STX8: variants seen among roughly 807,000 people sequenced by gnomAD.
The protein encoded by STX8 is syntaxin 8.
Under a neutral mutation model 37.5 loss-of-function variants are expected in STX8, and 23 were observed. That is an observed-to-expected ratio of 0.61 (90% CI 0.44 to 0.87). The LOEUF is 0.87. STX8 is among the 40% of genes least tolerant of loss of function. The pLI is 0.00. For synonymous variants in STX8, 115 were observed against 99.1 expected, an observed-to-expected ratio of 1.16 and a Z score of -0.95; for missense variants, 313 against 284.7, an observed-to-expected ratio of 1.10 and a Z score of -0.71.
At chr17:9,566,274 G>C (rs902479074) in intron 2 of STX8, among the ~76,000 whole-genome samples, 5 of 152,220 alleles carry the variant, frequency 3.3e-5, no homozygotes, top group Non-Finnish European at 7.3e-5. Context: ...ACACCACTCA[G>C]CATGGTTATT....
chr17:9,474,434 G>A (rs757482335), intron 6 of STX8, among the ~76,000 whole-genome samples: 26 of 152,116 alleles, frequency 1.7e-4, no homozygotes, highest in Non-Finnish European at 3.7e-4. Flanking sequence ...GTGCAATGGC[G>A]CAATCTTGGC....
At chr17:9,288,362 C>T (rs1908169415) in intron 7 of STX8, among the ~76,000 whole-genome samples, 1 of 151,868 alleles carries the variant, frequency 6.6e-6, no homozygotes, top group South Asian at 2.1e-4. Context: ...AAGACAGCAG[C>T]TATAAAGAAT....
intron 7 of STX8, among the ~76,000 whole-genome samples, chr17:9,333,613 T>A (rs1910037444): frequency 6.6e-6 from 1 of 152,154 alleles, no homozygotes. Context: ...ATGGTCTGGA[T>A]CTCCTGACCT....
chr17:9,481,655 G>A (rs72818052), intron 6 of STX8, among the ~76,000 whole-genome samples: 16,050 of 152,092 alleles, frequency 0.11, 869 homozygotes, highest in Middle Eastern at 0.13. Flanking sequence ...CTATAGCAGG[G>A]GTCCCCCACC....
intron 6 of STX8, among the ~76,000 whole-genome samples, chr17:9,433,135 A>C (rs1346249285): frequency 2.0e-5 from 3 of 152,198 alleles, no homozygotes; most frequent in African/African-American, 7.2e-5. Context: ...TTATAATCTC[A>C]AAATCACCAT....
chr17:9,491,245 C>T (rs1427463325), intron 6 of STX8, among the ~76,000 whole-genome samples: 1 of 152,056 alleles, frequency 6.6e-6, no homozygotes, highest in Non-Finnish European at 1.5e-5. Context: ...CTGGCAATCC[C>T]GTGCCCCCGT....
intron 6 of STX8, among the ~76,000 whole-genome samples, chr17:9,446,414 T>C (rs932158686): frequency 8.5e-5 from 13 of 152,184 alleles, no homozygotes; most frequent in Admixed American, 8.5e-4. Flanking sequence ...CAAACATAAC[T>C]GCACCATTTC....
intron 6 of STX8, among the ~76,000 whole-genome samples, chr17:9,477,090 C>T (rs1906136937): frequency 6.6e-6 from 1 of 151,992 alleles, no homozygotes; most frequent in Non-Finnish European, 1.5e-5. Context: ...ACTCCTGGGC[C>T]TAAGTAATCC....
intron 7 of STX8, among the ~76,000 whole-genome samples, chr17:9,289,233 C>G (rs1291704331): frequency 6.6e-6 from 1 of 152,122 alleles, no homozygotes; most frequent in Non-Finnish European, 1.5e-5. Context: ...AGTACTATCT[C>G]AAGAAAATTT....
chr17:9,306,635 C>T (rs1390964987), intron 7 of STX8, among the ~76,000 whole-genome samples: 1 of 148,130 alleles, frequency 6.8e-6, no homozygotes, highest in African/African-American at 2.5e-5. Flanking sequence ...CGTGGTGGTG[C>T]ATGCCTGTAA....
At chr17:9,275,326 C>A (rs915044178) in intron 7 of STX8, among the ~76,000 whole-genome samples, 1 of 152,154 alleles carries the variant, frequency 6.6e-6, no homozygotes, top group African/African-American at 2.4e-5. Context: ...CCTATTTTCC[C>A]CCATCGCCTC....
intron 4 of STX8, among the ~76,000 whole-genome samples, chr17:9,534,331 T>C (rs1056376805): frequency 6.7e-6 from 1 of 150,034 alleles, no homozygotes; most frequent in African/African-American, 2.5e-5. Context: ...AAAAATGCCT[T>C]GGAGAAACAA....
chr17:9,362,839 A>AT (rs201048609), intron 7 of STX8, among the ~76,000 whole-genome samples: 17,147 of 146,762 alleles, frequency 0.12, 2,933 homozygotes, highest in African/African-American at 0.38. Flanking sequence ...AAAAAAAAAA[A>AT]AAAATAAATA....
intron 4 of STX8, among the ~76,000 whole-genome samples, chr17:9,535,482 G>A (rs767980464): frequency 8.4e-6 from 1 of 118,460 alleles, no homozygotes; most frequent in Non-Finnish European, 1.7e-5. Context: ...ACCCAGGCTG[G>A]AGTGCAGTGG....
rs762391155 is a variant in STX8 at position 9,511,848 on chromosome 17, A to AT, written c.324-6687_324-6686insA. 1.6e-4 allele frequency among the ~76,000 whole-genome samples: 25 copies of AT among 152,074 alleles called. 1 individual carries two copies. Among genetic ancestry groups the AT allele is most frequent in the Middle Eastern group, 6.8e-3 (2 of 294 alleles). On this transcript the variant is annotated intron_variant, in intron 4 of 7. Transcript: ENST00000306357. ...TTATAGAGAGAAAAGCCTAAAGACTACCAAAAAAAAACCTCTCAGAACTGA... is the reference window on the plus strand; with the variant it reads ...TTATAGAGAGAAAAGCCTAAAGACTATCCAAAAAAAAACCTCTCAGAACTGA...
chr17:9,379,201 C>T (rs139868865), intron 6 of STX8, among the ~76,000 whole-genome samples: 29 of 147,600 alleles, frequency 2.0e-4, no homozygotes, highest in Middle Eastern at 3.5e-3. Context: ...GCCAAGATCA[C>T]GCTGCTGCAT....
chr17:9,339,096 A>T (rs1283791748), intron 7 of STX8, among the ~76,000 whole-genome samples: 1 of 149,194 alleles, frequency 6.7e-6, no homozygotes, highest in Non-Finnish European at 1.5e-5. Flanking sequence ...AAAAAATTCC[A>T]GGTGAAGCTC....
At chr17:9,438,853 C>T (rs1374857160) in intron 6 of STX8, among the ~76,000 whole-genome samples, 3 of 151,878 alleles carry the variant, frequency 2.0e-5, no homozygotes, top group Non-Finnish European at 2.9e-5. Flanking sequence ...AGCATGAACC[C>T]GGGAGGCGGA....
intron 6 of STX8, among the ~76,000 whole-genome samples, chr17:9,445,661 T>C (rs1938052430): frequency 1.3e-5 from 2 of 151,818 alleles, no homozygotes; most frequent in Admixed American, 1.3e-4. Flanking sequence ...TAAGTTTGAG[T>C]CATTAAATTT....
Sources: allele counts gnomAD v4.1 joint callset (sites outside exome capture counted in the v4.1 genomes callset), GRCh38; gene constraint gnomAD v4.1.1; transcripts MANE v1.5; gene names NCBI Gene and HGNC (gene_info 2026-07-23, HGNC 2026-07-21).